The following MTMR4 variants were observed in gnomAD, a reference collection of about 807,000 sequenced individuals.
MTMR4 encodes the protein myotubularin related protein 4, also known as phosphatidylinositol-3,5-bisphosphate 3-phosphatase MTMR4.
MTMR4 carries 30 observed loss-of-function variants against 125.5 expected under a neutral mutation model. That is an observed-to-expected ratio of 0.24 (90% CI 0.18 to 0.32). MTMR4 has a LOEUF of 0.32. Ranked by LOEUF, MTMR4 falls within the 10% of genes least tolerant of loss-of-function variation. The probability of loss-of-function intolerance (pLI) is 1.00; values close to 1 mark genes in which losing one functional copy is unlikely to be tolerated. For missense variants in MTMR4, 1,039 were observed against 1,511.5 expected (o/e 0.69, Z 5.18); for synonymous variants, 498 against 564.5 (o/e 0.88, Z 1.67).
chr17:58,514,475 C>T lies in MTMR4; in HGVS notation c.-68G>A. 1.0e-6 allele frequency: 1 copy of T among 984,912 alleles called. No individual in the cohort carries two copies. The highest frequency in any genetic ancestry group is 1.2e-6 in the Non-Finnish European group (1 of 829,786). The allele number at this position is 984,912 out of a possible 1,614,324, so 61.0% of individuals were successfully genotyped here. A position where few individuals can be genotyped will look rare whatever the true frequency, so the allele number is the denominator to read the frequency against. Reference sequence around the variant, plus strand: ...CTGCGCTGCCCGCCAGCCCCGGGCGCCCGCCGCATCCCGGCTGCGGGGCTC... The same window carrying T: ...CTGCGCTGCCCGCCAGCCCCGGGCGTCCGCCGCATCCCGGCTGCGGGGCTC... On this transcript the variant is annotated 5_prime_UTR_variant, in exon 1 of 18. Coordinates refer to ENST00000682306, the MANE Select transcript of MTMR4 (RefSeq NM_001378067.1).
intron 1 of MTMR4, 115 bp downstream of exon 1, chr17:58,514,248 A>G: frequency 1.1e-6 from 1 of 920,766 alleles, no homozygotes; most frequent in South Asian, 5.0e-5. Context: ...CTGCCCCCCA[A>G]ACGTTCGGGG....
intron 14 of MTMR4, among the ~76,000 whole-genome samples, chr17:58,500,821 T>C (rs1295589349): frequency 6.6e-6 from 1 of 151,628 alleles, no homozygotes; most frequent in Non-Finnish European, 1.5e-5. Context: ...CTTAAAATTA[T>C]CTTGAAAGTA....
Position 58,514,467 on chromosome 17 carries a change from C to T in MTMR4, c.-60G>A, listed in dbSNP as rs1415637564. 1.0e-6 allele frequency: 1 copy of T among 984,878 alleles called. No homozygotes were observed. Among genetic ancestry groups the T allele is most frequent in the Non-Finnish European group, 1.2e-6 (1 of 829,720 alleles). 61.0% of individuals were successfully genotyped at this position (984,878 alleles called of 1,614,324 possible). A position where few individuals can be genotyped will look rare whatever the true frequency, so the allele number is the denominator to read the frequency against. ...CGGAGCCGCTGCGCTGCCCGCCAGCCCCGGGCGCCCGCCGCATCCCGGCTG... is the reference window on the plus strand; with the variant it reads ...CGGAGCCGCTGCGCTGCCCGCCAGCTCCGGGCGCCCGCCGCATCCCGGCTG... On this transcript the variant is annotated 5_prime_UTR_variant, in exon 1 of 18. Transcript: ENST00000682306.
At chr17:58,505,185 G>T (rs1660898687) in intron 10 of MTMR4, among the ~76,000 whole-genome samples, 2 of 152,164 alleles carry the variant, frequency 1.3e-5, no homozygotes, top group Admixed American at 1.3e-4. Flanking sequence ...CTCAAAAGAG[G>T]AACTGAGAAG....
upstream of MTMR4, among the ~76,000 whole-genome samples, chr17:58,518,889 C>T (rs760247710): frequency 6.6e-6 from 1 of 152,202 alleles, no homozygotes; most frequent in Non-Finnish European, 1.5e-5. Flanking sequence ...GGCTAATGTC[C>T]TCACCCATCT....
chr17:58,489,561 C>G lies in MTMR4; in HGVS notation c.*2102G>C, dbSNP rs1222476527. On this transcript the variant is annotated 3_prime_UTR_variant, in exon 18 of 18. Transcript: ENST00000682306. ...CACTAATATAGAGATTTTATTTAAA[C>G]TGTATTGAATTTTTACAGCACATTG... is the stretch of plus-strand genomic sequence containing the variant. The G allele has an allele frequency of 6.6e-6, 1 of 152,118 alleles. No homozygotes were observed. The highest frequency in any genetic ancestry group is 1.5e-5 in the Non-Finnish European group (1 of 68,014). The allele number at this position is 152,118 out of a possible 1,614,324, so 9.4% of individuals were successfully genotyped here. A position where few individuals can be genotyped will look rare whatever the true frequency, so the allele number is the denominator to read the frequency against.
intron 7 of MTMR4, 28 bp from the exon 8 acceptor site, chr17:58,507,347 C>T (rs1975805652): frequency 3.7e-6 from 6 of 1,601,030 alleles, no homozygotes; most frequent in Middle Eastern, 1.7e-4. Context: ...ACCGTAATGC[C>T]CTTGGCATTC....
chr17:58,503,828 G>A lies in MTMR4; in HGVS notation c.1769C>T (p.Pro590Leu), dbSNP rs1188261413. Residue 590 changes from proline to leucine, a missense_variant, in exon 14 of 18, where the codon CCA (proline) becomes CTA (leucine). By Grantham distance (98) the Pro-to-Leu change is moderately conservative. Coordinates refer to ENST00000682306, the MANE Select transcript of MTMR4 (RefSeq NM_001378067.1). Reference sequence around the variant, plus strand: ...CATGTTTTCTTCCCCAAGTGTGCATGGAGATGATGCTGGCAGATAAACAGC... The same window carrying A: ...CATGTTTTCTTCCCCAAGTGTGCATAGAGATGATGCTGGCAGATAAACAGC... The part of the protein sequence containing the change: ...WTAVYLPASS[P>L]CTLGEENMDL... 1 of 1,614,186 alleles carries A rather than the reference G, an allele frequency of 6.2e-7. No homozygotes were observed. The highest frequency in any genetic ancestry group is 2.2e-5 in the East Asian group (1 of 44,892).
At position 58,504,290 on chromosome 17, in the gene MTMR4, C is replaced by G. The variant is rs4277402; in HGVS notation, c.1527+13G>C. Reference sequence around the variant, plus strand: ...TTCCCCCCATCCCTGTTGTCACAGGCCTTAGGACTTACCAGGAATGCTTCA... The same window carrying G: ...TTCCCCCCATCCCTGTTGTCACAGGGCTTAGGACTTACCAGGAATGCTTCA... On this transcript the variant is annotated intron_variant, in intron 12 of 17. Transcript: ENST00000682306. This position sits in a 1 kb window ranked among gnomAD's most constrained non-coding sequence, Gnocchi z 7.1. 0.82 allele frequency: 1,317,220 copies of G among 1,612,716 alleles called. 540,082 individuals are homozygous for G. Among genetic ancestry groups the G allele is most frequent in the East Asian group, 1 (44,780 of 44,804 alleles).
chr17:58,492,943 T>C lies in MTMR4; in HGVS notation c.3262A>G (p.Lys1088Glu). The C allele has an allele frequency of 6.2e-7, 1 of 1,614,042 alleles. No individual in the cohort carries two copies. Among genetic ancestry groups the C allele is most frequent in the Non-Finnish European group, 8.5e-7 (1 of 1,179,864 alleles). ...MDYEDDFTCL[K>E]ESDGSDTEDF... ...TCAGTATCACTGCCATCTGACTCCT[T>C]CAAACATGTCTGATGAAAAGGCAAA... The change falls in exon 16 of 18, where the codon AAG becomes GAG. Residue 1088 changes from lysine to glutamate, a missense_variant. By Grantham distance (56) the Lys-to-Glu change is moderately conservative. Around this residue, in one of 6 missense-constraint regions of MTMR4, gnomAD observed 619 missense variants for 714.5 expected, o/e 0.87. Coordinates refer to ENST00000682306, the MANE Select transcript of MTMR4 (RefSeq NM_001378067.1).
rs759479496 is a variant in MTMR4 at position 58,503,700 on chromosome 17, C to T, written c.1853+44G>A. 4.5e-6 allele frequency: 7 copies of T among 1,561,848 alleles called. No individual in the cohort carries two copies. In the Admixed American group the frequency reaches 1.2e-4, roughly 26 times the overall value. ...TAGATGAGATGGGAAACAGTTACTG[C>T]CTTCCTAGTGGAGAGAGGAGAAAGG... is the stretch of plus-strand genomic sequence containing the variant. On this transcript the variant is annotated intron_variant, in intron 14 of 17. Coordinates refer to ENST00000682306, the MANE Select transcript of MTMR4 (RefSeq NM_001378067.1).
chr17:58,495,135 G>T lies in MTMR4; in HGVS notation c.3049C>A (p.Pro1017Thr). 1 of 1,614,258 alleles carries T rather than the reference G, an allele frequency of 6.2e-7. No individual in the cohort carries two copies. The change falls in exon 15 of 18, where the codon CCA becomes ACA. Residue 1017 changes from proline to threonine, a missense_variant. Around this residue, in one of 6 missense-constraint regions of MTMR4, gnomAD observed 619 missense variants for 714.5 expected, o/e 0.87. Transcript: ENST00000682306. Reference protein sequence around the residue: ...TKPVPLNCPSPVPPLYLDDDG... With the variant: ...TKPVPLNCPSTVPPLYLDDDG... ...TCATCCAAATACAGAGGAGGCACTG[G>T]AGAAGGGCAGTTCAGTGGAACGGGC...
At chr17:58,506,681 C>A (rs1975786228) in intron 9 of MTMR4, 62 bp downstream of exon 9, 1 of 1,589,054 alleles carries the variant, frequency 6.3e-7, no homozygotes, top group African/African-American at 1.3e-5. Flanking sequence ...GCCCCCAACC[C>A]CCTCCTCACC....
In MTMR4 at chr17:58,508,346, T is replaced by C. The variant is rs1975831246; in HGVS notation, c.594-72A>G. 5.1e-6 allele frequency: 8 copies of C among 1,560,384 alleles called. No homozygotes were observed. The South Asian group carries it at 8.9e-5, about 17-fold the overall frequency. On this transcript the variant is annotated intron_variant, in intron 6 of 17. Transcript: ENST00000682306. The surrounding 1 kb of genome is among the most constrained non-coding windows in gnomAD (Gnocchi z 4.8). ...TGATGACAGGATCCCTGGGGATGGCTTTGTGGGAAGAGAAACCATGAGCCT... is the reference window on the plus strand; with the variant it reads ...TGATGACAGGATCCCTGGGGATGGCCTTGTGGGAAGAGAAACCATGAGCCT...
chr17:58,493,342 T>C (rs1024793195), intron 15 of MTMR4, among the ~76,000 whole-genome samples: 6 of 152,270 alleles, frequency 3.9e-5, no homozygotes, highest in Non-Finnish European at 7.3e-5. Context: ...ATTTACTTAC[T>C]GTCTATGGCT....
At chr17:58,505,632 G>A (rs781253975) in intron 9 of MTMR4, 49 bp from the exon 10 acceptor site, 1 of 1,402,430 alleles carries the variant, frequency 7.1e-7, no homozygotes, top group Admixed American at 1.7e-5. Context: ...CCTAGGCCGG[G>A]CGCGGTGGCT....
At chr17:58,513,174 G>T (rs1975980455) in intron 1 of MTMR4, among the ~76,000 whole-genome samples, 3 of 152,144 alleles carry the variant, frequency 2.0e-5, no homozygotes, top group Non-Finnish European at 4.4e-5. Flanking sequence ...GAGGAATTGG[G>T]AATCTGCACT....
At chr17:58,505,017 G>T in intron 10 of MTMR4, 43 bp from the exon 11 acceptor site, 1 of 1,539,356 alleles carries the variant, frequency 6.5e-7, no homozygotes, top group South Asian at 1.2e-5. Context: ...AGGGTGCTGA[G>T]GCCACAGCAG....
At chr17:58,516,641 AAAAGT>A (rs2042019754), upstream of MTMR4, 6 of 1,608,436 alleles carry the variant, frequency 3.7e-6, no homozygotes, top group South Asian at 1.1e-5. Flanking sequence ...AGAGGAACAT[AAAAGT>A]AAAGGACCCC....
Sources: gnomAD v4.1 joint callset for allele counts (sites outside exome capture counted in the v4.1 genomes callset) on GRCh38, gnomAD v4.1.1 for gene constraint, gnomAD v4.1.1 regional missense constraint, Gnocchi (gnomAD v3.1) non-coding constraint, MANE v1.5 for transcripts, NCBI Gene and HGNC (gene_info 2026-07-23, HGNC 2026-07-21) for gene names.